The following PLD1 variants were observed in gnomAD, a reference collection of about 807,000 sequenced individuals.
PLD1 encodes phospholipase D1.
Under a neutral mutation model 137.1 loss-of-function variants are expected in PLD1, and 112 were observed. That is an observed-to-expected ratio of 0.82 (90% CI 0.70 to 0.96). The LOEUF (loss-of-function observed/expected upper bound fraction) is 0.96. Ranked by LOEUF, PLD1 falls within the 40% of genes least tolerant of loss-of-function variation. PLD1 has a pLI of 0.00. For missense variants in PLD1, 1,321 were observed against 1,342.0 expected (o/e 0.98, Z 0.24); for synonymous variants, 431 against 454.7 (o/e 0.95, Z 0.66).
intron 21 of PLD1, among the ~76,000 whole-genome samples, chr3:171,658,230 G>A (rs1737375444): frequency 6.6e-6 from 1 of 152,134 alleles, no homozygotes; most frequent in Non-Finnish European, 1.5e-5. Flanking sequence ...AATATAAAAT[G>A]GCAGAGCCGC....
At chr3:171,664,785 T>C (rs777767465) in intron 19 of PLD1, among the ~76,000 whole-genome samples, 4 of 152,160 alleles carry the variant, frequency 2.6e-5, no homozygotes, top group Non-Finnish European at 4.4e-5. Context: ...TTAAATGACT[T>C]GTCCAAGGTG....
chr3:171,728,985 G>C (rs933606703), intron 6 of PLD1, among the ~76,000 whole-genome samples: 2 of 152,074 alleles, frequency 1.3e-5, no homozygotes, highest in African/African-American at 2.4e-5. Flanking sequence ...CAAATTGAAA[G>C]TAAATGTGTC....
intron 8 of PLD1, among the ~76,000 whole-genome samples, chr3:171,717,197 G>A (rs1009870006): frequency 1.3e-5 from 2 of 152,096 alleles, no homozygotes; most frequent in African/African-American, 4.8e-5. Context: ...CAGGCTCTTT[G>A]TTGGTTCCAT....
intron 1 of PLD1, chr3:171,771,448 T>C (rs1410651256): frequency 6.6e-6 from 1 of 152,196 alleles, no homozygotes; most frequent in Non-Finnish European, 1.5e-5. Flanking sequence ...CCACTCCCCA[T>C]ATGTTAAAGA....
chr3:171,642,822 A>T lies in PLD1; in HGVS notation c.2593+18T>A. 2.0e-6 allele frequency: 3 copies of T among 1,476,510 alleles called. No homozygotes were observed. Among genetic ancestry groups the T allele is most frequent in the Non-Finnish European group, 2.8e-6 (3 of 1,070,734 alleles). 91.5% of individuals were successfully genotyped at this position (1,476,510 alleles called of 1,614,324 possible). A position where few individuals can be genotyped will look rare whatever the true frequency, so the allele number is the denominator to read the frequency against. ...CATAATAAAAAACAATGATATGAGA[A>T]AAAAAGCAGTTACTTACGCTCTGCT... On this transcript the variant is annotated intron_variant, in intron 23 of 26. Coordinates refer to ENST00000351298, the MANE Select transcript of PLD1 (RefSeq NM_002662.5).
intron 21 of PLD1, among the ~76,000 whole-genome samples, chr3:171,647,049 A>G (rs1199202000): frequency 2.0e-5 from 3 of 152,154 alleles, no homozygotes; most frequent in Admixed American, 6.5e-5. Flanking sequence ...CATGGCCAGG[A>G]TGTCTGTTCT....
chr3:171,800,186 C>T (rs1020573828), intron 1 of PLD1, among the ~76,000 whole-genome samples: 1 of 152,054 alleles, frequency 6.6e-6, no homozygotes, highest in Non-Finnish European at 1.5e-5. Flanking sequence ...AAATCTAAAA[C>T]AAACATAATT....
chr3:171,798,939 G>A (rs545289066), intron 1 of PLD1, among the ~76,000 whole-genome samples: 8 of 152,132 alleles, frequency 5.3e-5, no homozygotes, highest in Admixed American at 1.3e-4. Flanking sequence ...GTAGCCTACC[G>A]CACACTAAGC....
intron 16 of PLD1, among the ~76,000 whole-genome samples, chr3:171,679,408 G>A (rs541883403): frequency 1.1e-4 from 17 of 152,282 alleles, no homozygotes; most frequent in African/African-American, 3.9e-4. Context: ...AAAGGCCAAA[G>A]TACGGGTAGG....
chr3:171,687,316 G>C (rs1470206974), intron 15 of PLD1, 55 bp downstream of exon 15: 8 of 1,400,634 alleles, frequency 5.7e-6, no homozygotes, highest in Non-Finnish European at 8.1e-6. Context: ...GTAGTGTCTG[G>C]CTATGGAAGA....
At chr3:171,778,544 G>T (rs1722666037) in intron 1 of PLD1, among the ~76,000 whole-genome samples, 1 of 152,220 alleles carries the variant, frequency 6.6e-6, no homozygotes, top group South Asian at 2.1e-4. Flanking sequence ...CCTCTCTGGG[G>T]AGATGACACT....
chr3:171,713,854 T>C, intron 9 of PLD1, 39 bp downstream of exon 9: 1 of 1,554,894 alleles, frequency 6.4e-7, no homozygotes. Flanking sequence ...TTTTAAGGCA[T>C]TTTTGTAGAA....
intron 9 of PLD1, among the ~76,000 whole-genome samples, chr3:171,710,518 A>C (rs575709153): frequency 4.6e-5 from 7 of 152,266 alleles, no homozygotes; most frequent in African/African-American, 1.4e-4. Flanking sequence ...ATAGGGTTCG[A>C]GCTTCTGTGA....
Position 171,724,757 on chromosome 3 carries a change from G to T in PLD1, c.697C>A (p.His233Asn). 1.2e-6 allele frequency: 2 copies of T among 1,610,006 alleles called. No homozygotes were observed. Among genetic ancestry groups the T allele is most frequent in the Non-Finnish European group, 8.5e-7 (1 of 1,177,320 alleles). Residue 233 changes from histidine (H) to asparagine (N), a missense_variant, in exon 8 of 27, where the codon CAC (histidine) becomes AAC (asparagine). Physicochemically the swap from His to Asn is moderately conservative, Grantham distance 68. Coordinates refer to ENST00000351298, the MANE Select transcript of PLD1 (RefSeq NM_002662.5). ...EGMIMKRSGG[H>N]RIPGLNCCGQ... ...CAGCAATTCAAGCCTGGTATTCTGTGTCCTCCAGATCTTTTCATTATCATA... is the reference window on the plus strand; with the variant it reads ...CAGCAATTCAAGCCTGGTATTCTGTTTCCTCCAGATCTTTTCATTATCATA...
intron 4 of PLD1, 43 bp downstream of exon 4, chr3:171,735,449 C>T (rs1719285006): frequency 1.3e-6 from 2 of 1,547,320 alleles, no homozygotes; most frequent in Non-Finnish European, 1.8e-6. Context: ...ATACACTTTC[C>T]ATTCAACTTG....
At chr3:171,641,520 T>C (rs922839075) in intron 23 of PLD1, among the ~76,000 whole-genome samples, 1 of 152,276 alleles carries the variant, frequency 6.6e-6, no homozygotes, top group South Asian at 2.1e-4. Context: ...CAGTATAAAA[T>C]AAAAACTTCC....
At chr3:171,781,727 C>A (rs531583475) in intron 1 of PLD1, among the ~76,000 whole-genome samples, 2 of 152,098 alleles carry the variant, frequency 1.3e-5, no homozygotes, top group Non-Finnish European at 2.9e-5. Context: ...TTAAAAAGAC[C>A]GTCAAACCCA....
intron 1 of PLD1, among the ~76,000 whole-genome samples, chr3:171,764,373 T>G (rs1228039851): frequency 6.6e-6 from 1 of 152,222 alleles, no homozygotes; most frequent in Non-Finnish European, 1.5e-5. Context: ...ATTATTTCAT[T>G]TAATTCTTAC....
intron 1 of PLD1, among the ~76,000 whole-genome samples, chr3:171,791,491 C>T (rs1233184929): frequency 6.6e-6 from 1 of 152,154 alleles, no homozygotes; most frequent in Non-Finnish European, 1.5e-5. Flanking sequence ...GTCTCTATAT[C>T]ACGGTGAAAA....
Sources: allele counts gnomAD v4.1 joint callset (sites outside exome capture counted in the v4.1 genomes callset), GRCh38; gene constraint gnomAD v4.1.1; transcripts MANE v1.5; gene names NCBI Gene and HGNC (gene_info 2026-07-23, HGNC 2026-07-21).